Variants in SMC6 observed in about 807,000 individuals in gnomAD.
SMC6 encodes the protein structural maintenance of chromosomes protein 6.
SMC6 carries 79 observed loss-of-function variants against 142.2 expected under a neutral mutation model. The ratio of observed to expected loss-of-function variants is 0.56; its 90% CI spans 0.46 to 0.67. The LOEUF is 0.67. Among genes scored for constraint, SMC6 ranks in the 30% least tolerant of loss-of-function variants. The probability of loss-of-function intolerance (pLI) is 0.00; values close to 1 mark genes in which losing one functional copy is unlikely to be tolerated. For missense variants in SMC6, 1,072 were observed against 1,284.0 expected (o/e 0.83, Z 2.52); for synonymous variants, 411 against 412.4 (o/e 1.00, Z 0.04).
chr2:17,737,656 T>C (rs1167754334), intron 5 of SMC6, among the ~76,000 whole-genome samples: 1 of 152,228 alleles, frequency 6.6e-6, no homozygotes, highest in Non-Finnish European at 1.5e-5. Flanking sequence ...ATATGACTAT[T>C]CACCAAGGGT....
In SMC6 at chr2:17,725,285, GTTCT is replaced by G. The variant is rs1669557932; in HGVS notation, c.694_697del (p.Arg232GlnfsTer15). On this transcript the variant is annotated frameshift_variant, in exon 9 of 28. Transcript: ENST00000448223. LOFTEE classifies it high-confidence loss of function. Reference sequence around the variant, plus strand: ...TTCTCCTTGATGTATCTGCTCCTTTGTTCTTTCTTTCGTTTCCATAATGTATGAA... The same window carrying G: ...TTCTCCTTGATGTATCTGCTCCTTTGTTCTTTCGTTTCCATAATGTATGAA... 1.2e-6 allele frequency: 2 copies of G among 1,607,100 alleles called. No individual in the cohort carries two copies. Among genetic ancestry groups the G allele is most frequent in the South Asian group, 1.1e-5 (1 of 89,750 alleles).
chr2:17,745,841 T>C lies in SMC6; in HGVS notation c.106A>G (p.Lys36Glu). 3 of 1,611,146 alleles carry C rather than the reference T, an allele frequency of 1.9e-6. No homozygotes were observed. The highest frequency in any genetic ancestry group is 2.5e-6 in the Non-Finnish European group (3 of 1,178,998). The change falls in exon 3 of 28, where the codon AAA becomes GAA. Residue 36 changes from lysine to glutamate, a missense_variant. Lys to Glu is a moderately conservative substitution (Grantham distance 56). Around this residue, in one of 3 missense-constraint regions of SMC6, gnomAD observed 994 missense variants for 1,153.2 expected, o/e 0.86. Transcript: ENST00000448223. ...FDKDGDEDEC[K>E]GTTLTAAEVG... ...TTTTCGCTTACCAAAGTAGTACCTTTACATTCGTCTTCGTCACCATCTTTA... is the reference window on the plus strand; with the variant it reads ...TTTTCGCTTACCAAAGTAGTACCTTCACATTCGTCTTCGTCACCATCTTTA...
chr2:17,700,263 T>G lies in SMC6; in HGVS notation c.2339A>C (p.Tyr780Ser). ...KSLKIEAENK[Y>S]DAIKFKINQL... is the part of the protein sequence containing the mutation. ...ATTAATTTTGAATTTAATTGCATCA[T>G]ACTTATTTTCTGCTTCTATTTTCAG... The change falls in exon 21 of 28, where the codon TAT becomes TCT. Residue 780 changes from tyrosine (Y) to serine (S), a missense_variant. Tyr to Ser is a moderately radical substitution (Grantham distance 144). This residue lies in a region of SMC6 where 994 missense variants were observed against 1,153.2 expected (regional missense o/e 0.86). Coordinates refer to ENST00000448223, the MANE Select transcript of SMC6 (RefSeq NM_001142286.2). 6.2e-7 allele frequency: 1 copy of G among 1,610,684 alleles called. No individual in the cohort carries two copies. The highest frequency in any genetic ancestry group is 8.5e-7 in the Non-Finnish European group (1 of 1,178,146).
intron 23 of SMC6, 110 bp from the exon 24 acceptor site, chr2:17,683,873 A>C: frequency 1.1e-6 from 1 of 945,748 alleles, no homozygotes; most frequent in Non-Finnish European, 1.7e-6. Context: ...AGAGAGTACT[A>C]AGGGGGCCTA....
At chr2:17,696,140 T>G in intron 22 of SMC6, 149 bp downstream of exon 22, 1 of 952,904 alleles carries the variant, frequency 1.0e-6, no homozygotes, top group Non-Finnish European at 1.5e-6. Flanking sequence ...AAGCCTCTTC[T>G]GTTGATTCAC....
intron 24 of SMC6, chr2:17,681,769 T>A (rs760897964): frequency 2.0e-5 from 3 of 152,056 alleles, no homozygotes; most frequent in Non-Finnish European, 4.4e-5. Context: ...TACAACAGAT[T>A]AATAATAATG....
At chr2:17,678,784 A>C (rs1349278644) in intron 25 of SMC6, 75 bp downstream of exon 25, 20 of 1,128,220 alleles carry the variant, frequency 1.8e-5, no homozygotes, top group Non-Finnish European at 2.4e-5. Flanking sequence ...TCTAAAAAAA[A>C]CCCAACAAAA....
At position 17,708,734 on chromosome 2, in the gene SMC6, A is replaced by G; in HGVS notation, c.1750T>C (p.Phe584Leu). The G allele has an allele frequency of 1.3e-6, 2 of 1,536,438 alleles. No individual in the cohort carries two copies. The highest frequency in any genetic ancestry group is 1.8e-6 in the Non-Finnish European group (2 of 1,140,034). Reference protein sequence around the residue: ...VRHRAAYHPDFPTVLTALEID... With the variant: ...VRHRAAYHPDLPTVLTALEID... ...TCTAAAGCTGTCAGAACTGTTGGAA[A>G]GTCTGGATGATAAGCAGCTCTAGGA... Residue 584 changes from phenylalanine to leucine, a missense_variant, in exon 17 of 28, where the codon TTT becomes CTT. By Grantham distance (22) the Phe-to-Leu change is conservative. Coordinates refer to ENST00000448223, the MANE Select transcript of SMC6 (RefSeq NM_001142286.2).
chr2:17,749,797 T>A (rs2125094680), intron 2 of SMC6, among the ~76,000 whole-genome samples: 1 of 152,328 alleles, frequency 6.6e-6, no homozygotes, highest in South Asian at 2.1e-4. Context: ...ATTAAGTATA[T>A]AATAATTCAT....
chr2:17,729,345 A>G (rs887329540), intron 7 of SMC6, among the ~76,000 whole-genome samples: 12 of 152,248 alleles, frequency 7.9e-5, no homozygotes, highest in African/African-American at 2.9e-4. Context: ...AAACCATGCA[A>G]GAAAAGGACT....
chr2:17,719,784 G>T (rs1238985647), intron 11 of SMC6, among the ~76,000 whole-genome samples: 1 of 152,078 alleles, frequency 6.6e-6, no homozygotes, highest in Non-Finnish European at 1.5e-5. Context: ...CCCAGAAATC[G>T]CTAAGTGTCC....
intron 3 of SMC6, among the ~76,000 whole-genome samples, chr2:17,742,115 A>T (rs1670501108): frequency 6.6e-6 from 1 of 152,214 alleles, no homozygotes; most frequent in African/African-American, 2.4e-5. Context: ...ATATGTCCAG[A>T]CATTGCTAAA....
chr2:17,689,892 G>GT (rs1235991258), intron 23 of SMC6, among the ~76,000 whole-genome samples: 8 of 152,070 alleles, frequency 5.3e-5, no homozygotes, highest in African/African-American at 1.9e-4. Flanking sequence ...TTGTTTTTGA[G>GT]TTTTTTCCCC....
intron 23 of SMC6, among the ~76,000 whole-genome samples, chr2:17,693,418 C>A (rs967206833): frequency 1.4e-4 from 22 of 152,072 alleles, no homozygotes; most frequent in Non-Finnish European, 2.9e-4. Context: ...AGCTGGAAAC[C>A]ATCATTCTCA....
chr2:17,731,614 G>C, intron 6 of SMC6, 127 bp downstream of exon 6: 1 of 767,704 alleles, frequency 1.3e-6, no homozygotes, highest in Non-Finnish European at 2.1e-6. Flanking sequence ...GTGTGTGTGT[G>C]TATATATATA....
rs550818174 is a variant in SMC6, at chr2:17,698,323, T to G, written c.2394+1885A>C. Among the ~76,000 whole-genome samples, 5 of 152,184 alleles carry G rather than the reference T, an allele frequency of 3.3e-5. No homozygotes were observed. The South Asian group carries it at 1.0e-3, about 32-fold the overall frequency. On this transcript the variant is annotated intron_variant, in intron 21 of 27. Coordinates refer to ENST00000448223, the MANE Select transcript of SMC6 (RefSeq NM_001142286.2). ...TTAGATCCTGTTGAGTTTTTCTATA[T>G]CCTTGTTCATTTTTGGTATAGTTGC...
chr2:17,749,810 T>A (rs1035983501), intron 2 of SMC6, among the ~76,000 whole-genome samples: 1 of 152,232 alleles, frequency 6.6e-6, no homozygotes, highest in Non-Finnish European at 1.5e-5. Context: ...TAATTCATAT[T>A]TCCTATTAAT....
chr2:17,703,019 A>G, intron 19 of SMC6, 138 bp downstream of exon 19: 1 of 450,366 alleles, frequency 2.2e-6, no homozygotes, highest in Non-Finnish European at 3.8e-6. Flanking sequence ...CATAAATGAA[A>G]GCTCTTTGAT....
chr2:17,713,089 T>C (rs1668908002), intron 16 of SMC6, among the ~76,000 whole-genome samples: 1 of 152,194 alleles, frequency 6.6e-6, no homozygotes, highest in Non-Finnish European at 1.5e-5. Flanking sequence ...CTCGTAGGCC[T>C]CTCTTTCTTT....
Sources: gnomAD v4.1 joint callset for allele counts (sites outside exome capture counted in the v4.1 genomes callset) on GRCh38, gnomAD v4.1.1 for gene constraint, gnomAD v4.1.1 regional missense constraint, MANE v1.5 for transcripts, NCBI Gene and HGNC (gene_info 2026-07-23, HGNC 2026-07-21) for gene names.